Variants in IMMP2L observed in about 807,000 individuals in gnomAD.
IMMP2L encodes the protein mitochondrial inner membrane protease subunit 2.
Under a neutral mutation model 19.3 loss-of-function variants are expected in IMMP2L, and 18 were observed. The ratio of observed to expected loss-of-function variants is 0.93; its 90% CI spans 0.64 to 1.38. The LOEUF is 1.38. IMMP2L is among the 40% of genes most tolerant of loss of function. The pLI is 0.00. For synonymous variants in IMMP2L, 76 were observed against 73.0 expected, an observed-to-expected ratio of 1.04 and a Z score of -0.21; for missense variants, 233 against 218.2, an observed-to-expected ratio of 1.07 and a Z score of -0.43.
At chr7:111,364,157 A>C (rs1289101260) in intron 3 of IMMP2L, among the ~76,000 whole-genome samples, 1 of 152,140 alleles carries the variant, frequency 6.6e-6, no homozygotes, top group Non-Finnish European at 1.5e-5. Context: ...GACTAACAAA[A>C]TTAACAGCAC....
chr7:111,207,861 T>C (rs908539238), intron 3 of IMMP2L, among the ~76,000 whole-genome samples: 3 of 152,266 alleles, frequency 2.0e-5, no homozygotes, highest in South Asian at 2.1e-4. Context: ...TATTCTAAAA[T>C]ATTAATTTTA....
intron 3 of IMMP2L, among the ~76,000 whole-genome samples, chr7:111,279,515 C>T (rs985457813): frequency 6.6e-6 from 1 of 152,084 alleles, no homozygotes; most frequent in African/African-American, 2.4e-5. Flanking sequence ...TTCTACTAGC[C>T]AAAGGATGCC....
intron 3 of IMMP2L, among the ~76,000 whole-genome samples, chr7:110,979,599 T>C (rs1379668604): frequency 3.3e-5 from 5 of 151,984 alleles, no homozygotes; most frequent in East Asian, 3.9e-4. Flanking sequence ...TGTATACATA[T>C]GTAACCAACC....
chr7:110,831,174 G>T (rs955841663), intron 5 of IMMP2L, among the ~76,000 whole-genome samples: 2 of 152,100 alleles, frequency 1.3e-5, no homozygotes, highest in African/African-American at 4.8e-5. Context: ...GACCCTTAAA[G>T]TTGGCAACAG....
chr7:110,693,519 G>C (rs1346683613), intron 5 of IMMP2L, among the ~76,000 whole-genome samples: 1 of 152,166 alleles, frequency 6.6e-6, no homozygotes, highest in Non-Finnish European at 1.5e-5. Flanking sequence ...ATGGGAACAG[G>C]ACTTTGCTTT....
intron 3 of IMMP2L, among the ~76,000 whole-genome samples, chr7:111,019,474 G>T (rs1345977419): frequency 6.6e-6 from 1 of 152,148 alleles, no homozygotes; most frequent in African/African-American, 2.4e-5. Flanking sequence ...ACTGGCAGGA[G>T]TGAGGTGCCC....
chr7:110,959,933 AC>A (rs1818758223), intron 4 of IMMP2L, among the ~76,000 whole-genome samples: 1 of 151,992 alleles, frequency 6.6e-6, no homozygotes, highest in Non-Finnish European at 1.5e-5. Flanking sequence ...AACAACTTGT[AC>A]TTTTCCTCAG....
chr7:111,234,476 T>C (rs1259820364), intron 3 of IMMP2L, among the ~76,000 whole-genome samples: 1 of 152,154 alleles, frequency 6.6e-6, no homozygotes, highest in Non-Finnish European at 1.5e-5. Flanking sequence ...GATGCTGTTA[T>C]TAGGTACATA....
At chr7:110,940,917 C>A (rs537401747) in intron 4 of IMMP2L, among the ~76,000 whole-genome samples, 1 of 152,238 alleles carries the variant, frequency 6.6e-6, no homozygotes, top group South Asian at 2.1e-4. Flanking sequence ...TTAATCACAG[C>A]CACATTGCTT....
At chr7:111,331,362 A>C (rs1194622365) in intron 3 of IMMP2L, among the ~76,000 whole-genome samples, 2 of 151,966 alleles carry the variant, frequency 1.3e-5, no homozygotes, top group Non-Finnish European at 2.9e-5. Flanking sequence ...TATATGTGAA[A>C]TCTACAATAA....
intron 3 of IMMP2L, among the ~76,000 whole-genome samples, chr7:111,446,537 C>T (rs1305704352): frequency 1.3e-5 from 2 of 151,136 alleles, no homozygotes; most frequent in Non-Finnish European, 2.9e-5. Context: ...AAAGGACATC[C>T]ACACCGAAAA....
intron 3 of IMMP2L, among the ~76,000 whole-genome samples, chr7:111,314,119 C>T (rs1211722691): frequency 1.3e-5 from 2 of 152,030 alleles, no homozygotes; most frequent in Non-Finnish European, 2.9e-5. Flanking sequence ...AGAACTGAGC[C>T]AATTAAACCT....
chr7:111,220,634 A>G (rs1005440199), intron 3 of IMMP2L, among the ~76,000 whole-genome samples: 6 of 151,714 alleles, frequency 4.0e-5, no homozygotes, highest in Non-Finnish European at 7.4e-5. Flanking sequence ...ACAGAGGGAG[A>G]GAGAGAGAAG....
chr7:111,000,154 G>T (rs1823510355), intron 3 of IMMP2L, among the ~76,000 whole-genome samples: 1 of 152,080 alleles, frequency 6.6e-6, no homozygotes, highest in Non-Finnish European at 1.5e-5. Flanking sequence ...ATTGGGGAGA[G>T]GAATGGAGGC....
intron 1 of IMMP2L, among the ~76,000 whole-genome samples, chr7:111,561,618 C>T (rs956278658): frequency 6.6e-6 from 1 of 152,004 alleles, no homozygotes; most frequent in Non-Finnish European, 1.5e-5. Context: ...GGTCAAGGGG[C>T]TAAAAGGGAT....
At chr7:111,135,415 A>C (rs1802237821) in intron 3 of IMMP2L, among the ~76,000 whole-genome samples, 1 of 152,158 alleles carries the variant, frequency 6.6e-6, no homozygotes, top group African/African-American at 2.4e-5. Flanking sequence ...AATCCCACTG[A>C]GTCTTTCCAT....
Position 111,123,713 on chromosome 7 carries a change from T to C in IMMP2L, c.240-160148A>G, listed in dbSNP as rs1468664556. 1 of 1,613,796 alleles carries C rather than the reference T, an allele frequency of 6.2e-7. No homozygotes were observed. The highest frequency in any genetic ancestry group is 8.5e-7 in the Non-Finnish European group (1 of 1,179,912). ...GATAACCTGCCAGATTTAAGAAAAATAGAAGCTACTAACAACCCTAGATTG... is the reference window on the plus strand; with the variant it reads ...GATAACCTGCCAGATTTAAGAAAAACAGAAGCTACTAACAACCCTAGATTG... On this transcript the variant is annotated intron_variant, in intron 3 of 5. Transcript: ENST00000405709. This position sits in a 1 kb window ranked among gnomAD's most constrained non-coding sequence, Gnocchi z 6.4.
chr7:111,134,110 T>C (rs1014204539), intron 3 of IMMP2L, among the ~76,000 whole-genome samples: 2 of 152,032 alleles, frequency 1.3e-5, no homozygotes, highest in Admixed American at 6.6e-5. Flanking sequence ...TAGTTCTGTT[T>C]CCACTGTCAA....
intron 5 of IMMP2L, among the ~76,000 whole-genome samples, chr7:110,831,972 C>T (rs1201373818): frequency 6.6e-6 from 1 of 152,140 alleles, no homozygotes; most frequent in Non-Finnish European, 1.5e-5. Context: ...ACTTTAAAAC[C>T]ACTCTGTAGG....
Sources: gnomAD v4.1 joint callset for allele counts (sites outside exome capture counted in the v4.1 genomes callset) on GRCh38, gnomAD v4.1.1 for gene constraint, Gnocchi (gnomAD v3.1) non-coding constraint, MANE v1.5 for transcripts, NCBI Gene and HGNC (gene_info 2026-07-23, HGNC 2026-07-21) for gene names.